Variants in RYR2 observed in about 807,000 individuals in gnomAD.
RYR2 encodes the protein cardiac muscle ryanodine receptor-calcium release channel.
A neutral mutation model predicts 601.1 loss-of-function variants in RYR2; 227 were observed. The observed-to-expected ratio is 0.38, with a 90% CI of 0.34 to 0.42. RYR2 has a LOEUF of 0.42. RYR2 is among the 10% of genes least tolerant of loss of function. The probability of loss-of-function intolerance (pLI) is 1.00; values close to 1 mark genes in which losing one functional copy is unlikely to be tolerated. For synonymous variants in RYR2, 2,223 were observed against 2,175.1 expected, an observed-to-expected ratio of 1.02 and a Z score of -0.61; for missense variants, 4,646 against 6,156.5, an observed-to-expected ratio of 0.75 and a Z score of 8.21.
chr1:237,116,612 T>A (rs1018390584), intron 1 of RYR2, among the ~76,000 whole-genome samples: 3 of 152,146 alleles, frequency 2.0e-5, no homozygotes, highest in African/African-American at 7.2e-5. Context: ...AGAAATGGGC[T>A]CACATGATTA....
At chr1:237,763,669 A>G (rs1693610989) in intron 84 of RYR2, among the ~76,000 whole-genome samples, 1 of 152,204 alleles carries the variant, frequency 6.6e-6, no homozygotes, top group Non-Finnish European at 1.5e-5. Flanking sequence ...TAGGACGCCA[A>G]CAAGGCTTCC....
intron 14 of RYR2, 109 bp from the exon 15 acceptor site, chr1:237,454,282 T>A: frequency 8.8e-7 from 1 of 1,136,132 alleles, no homozygotes; most frequent in Non-Finnish European, 1.2e-6. Context: ...GACATGTCCC[T>A]TTTACAGTGA....
intron 103 of RYR2, among the ~76,000 whole-genome samples, chr1:237,830,920 T>C (rs1004178111): frequency 7.9e-5 from 12 of 152,254 alleles, no homozygotes; most frequent in African/African-American, 2.9e-4. Flanking sequence ...TCATTTTAGA[T>C]AGGAATTCTT....
intron 21 of RYR2, among the ~76,000 whole-genome samples, chr1:237,501,439 C>G (rs765312136): frequency 4.6e-5 from 7 of 151,782 alleles, no homozygotes; most frequent in Non-Finnish European, 1.0e-4. Flanking sequence ...ATGGTTTCCT[C>G]ACACTCTTTC....
chr1:237,289,668 C>T (rs1691998473), intron 2 of RYR2, among the ~76,000 whole-genome samples: 1 of 152,116 alleles, frequency 6.6e-6, no homozygotes, highest in African/African-American at 2.4e-5. Context: ...ATTATGGGAA[C>T]TACAATTTAA....
intron 27 of RYR2, among the ~76,000 whole-genome samples, chr1:237,557,948 A>G (rs1435026041): frequency 1.3e-5 from 2 of 152,196 alleles, no homozygotes; most frequent in Non-Finnish European, 2.9e-5. Context: ...TTACATATAT[A>G]AGTACAAACG....
intron 3 of RYR2, among the ~76,000 whole-genome samples, chr1:237,339,175 A>G (rs1697521406): frequency 6.6e-6 from 1 of 152,206 alleles, no homozygotes; most frequent in Non-Finnish European, 1.5e-5. Context: ...CTGCCACTGA[A>G]GAGACTATAG....
chr1:237,678,570 T>C (rs1294185628), intron 61 of RYR2, among the ~76,000 whole-genome samples: 1 of 152,214 alleles, frequency 6.6e-6, no homozygotes, highest in Non-Finnish European at 1.5e-5. Flanking sequence ...TCAGAGAGGA[T>C]AAATTGTTTA....
chr1:237,042,669 G>A, intron 1 of RYR2, 100 bp downstream of exon 1: 3 of 1,145,162 alleles, frequency 2.6e-6, no homozygotes, highest in Non-Finnish European at 3.4e-6. Context: ...GGGACTCGCG[G>A]GCGGGGCGAG....
At chr1:237,429,058 G>A (rs550956464) in intron 12 of RYR2, among the ~76,000 whole-genome samples, 1 of 152,232 alleles carries the variant, frequency 6.6e-6, no homozygotes, top group Admixed American at 6.5e-5. Flanking sequence ...ACTTGAGCGG[G>A]ACTGGGAACT....
intron 1 of RYR2, among the ~76,000 whole-genome samples, chr1:237,143,253 A>T (rs1347253838): frequency 6.6e-6 from 1 of 152,196 alleles, no homozygotes; most frequent in African/African-American, 2.4e-5. Context: ...CATTGCATTT[A>T]GGCTGAAACC....
At chr1:237,309,891 G>A (rs934572478) in intron 2 of RYR2, among the ~76,000 whole-genome samples, 17 of 152,272 alleles carry the variant, frequency 1.1e-4, no homozygotes, top group African/African-American at 2.6e-4. Context: ...CTCACTGCCC[G>A]GGGCCGGCAG....
chr1:237,245,476 C>T (rs1434963068), intron 1 of RYR2, among the ~76,000 whole-genome samples: 8 of 151,948 alleles, frequency 5.3e-5, no homozygotes, highest in Non-Finnish European at 8.8e-5. Context: ...GGTGAGAACG[C>T]GTAGGGAAAT....
Position 237,609,418 on chromosome 1 carries a change from G to A in RYR2, c.4684-1344G>A, listed in dbSNP as rs183358670. Reference sequence around the variant, plus strand: ...CAGAGTCTCACTTGTCACCCAGGCTGGAGTGCAGTGACACGATCTCAGCTC... The same window carrying A: ...CAGAGTCTCACTTGTCACCCAGGCTAGAGTGCAGTGACACGATCTCAGCTC... On this transcript the variant is annotated intron_variant, in intron 35 of 104. Transcript: ENST00000366574. 5.0e-3 allele frequency among the ~76,000 whole-genome samples: 687 copies of A among 138,326 alleles called. 10 individuals are homozygous for A. The highest frequency in any genetic ancestry group is 0.018 in the African/African-American group (658 of 36,486). The allele number at this position is 138,326 out of a possible 152,430, so 90.7% of individuals were successfully genotyped here. A position where few individuals can be genotyped will look rare whatever the true frequency, so the allele number is the denominator to read the frequency against.
At chr1:237,263,370 G>A (rs1473392505) in intron 1 of RYR2, among the ~76,000 whole-genome samples, 4 of 152,228 alleles carry the variant, frequency 2.6e-5, no homozygotes, top group African/African-American at 9.6e-5. Flanking sequence ...AGACAATAGA[G>A]ATGTACTGGT....
At chr1:237,380,394 A>AG (rs1558718129) in intron 8 of RYR2, among the ~76,000 whole-genome samples, 2 of 34,130 alleles carry the variant, frequency 5.9e-5, no homozygotes, top group Non-Finnish European at 1.2e-4. Flanking sequence ...ATATATATAT[A>AG]TATATATATA....
At chr1:237,591,613 T>C in intron 31 of RYR2, 126 bp from the exon 32 acceptor site, 1 of 712,472 alleles carries the variant, frequency 1.4e-6, no homozygotes, top group African/African-American at 1.8e-5. Context: ...TTTTCAGATA[T>C]TCCCAGATGT....
At chr1:237,259,687 G>T (rs1688335714) in intron 1 of RYR2, among the ~76,000 whole-genome samples, 1 of 152,122 alleles carries the variant, frequency 6.6e-6, no homozygotes, top group Non-Finnish European at 1.5e-5. Context: ...AGGTACAGTT[G>T]ACTTCTCTGC....
chr1:237,388,032 G>T (rs1338634165), intron 9 of RYR2, 55 bp from the exon 10 acceptor site: 8 of 1,475,876 alleles, frequency 5.4e-6, no homozygotes, highest in African/African-American at 1.4e-5. Context: ...GATCTGTCTG[G>T]CTATCAGCAC....
Sources: allele counts gnomAD v4.1 joint callset (sites outside exome capture counted in the v4.1 genomes callset), GRCh38; gene constraint gnomAD v4.1.1; transcripts MANE v1.5; gene names NCBI Gene and HGNC (gene_info 2026-07-23, HGNC 2026-07-21).